Variants in EYS observed in about 807,000 individuals in gnomAD.
EYS encodes the protein protein eyes shut homolog.
A neutral mutation model predicts 282.1 loss-of-function variants in EYS; 250 were observed. The observed-to-expected ratio is 0.89, with a 90% CI of 0.80 to 0.98. The LOEUF is 0.98. Ranked by LOEUF, EYS falls within the 50% of genes least tolerant of loss-of-function variation. The pLI is 0.00. For missense variants in EYS, 4,016 were observed against 3,709.0 expected, an observed-to-expected ratio of 1.08 and a Z score of -2.15; for synonymous variants, 1,355 against 1,282.9, an observed-to-expected ratio of 1.06 and a Z score of -1.20.
chr6:65,624,603 A>G (rs1283231850), intron 2 of EYS, among the ~76,000 whole-genome samples: 3 of 152,134 alleles, frequency 2.0e-5, no homozygotes, highest in Non-Finnish European at 4.4e-5. Flanking sequence ...AGGCAGACCC[A>G]CCCTCAATCT....
At chr6:65,216,436 A>G (rs1766316631) in intron 12 of EYS, among the ~76,000 whole-genome samples, 1 of 151,998 alleles carries the variant, frequency 6.6e-6, no homozygotes, top group Non-Finnish European at 1.5e-5. Context: ...AAATTGTATT[A>G]CTACTTTATA....
intron 35 of EYS, among the ~76,000 whole-genome samples, chr6:63,951,742 G>T (rs183198177): frequency 2.7e-4 from 40 of 150,288 alleles, no homozygotes; most frequent in African/African-American, 9.7e-4. Context: ...GAGGTGGCTG[G>T]AGCTAAAGGT....
At chr6:64,333,472 G>A (rs1356911042) in intron 29 of EYS, among the ~76,000 whole-genome samples, 2 of 152,170 alleles carry the variant, frequency 1.3e-5, no homozygotes, top group East Asian at 3.9e-4. Flanking sequence ...GTTAAAATCA[G>A]TGGACCATGA....
chr6:65,469,184 T>C (rs73741592), intron 5 of EYS, among the ~76,000 whole-genome samples: 2,565 of 152,186 alleles, frequency 0.017, 85 homozygotes, highest in African/African-American at 0.057. Context: ...GACTTTTTTC[T>C]GTTTTTATTT....
chr6:63,727,342 T>C (rs1416926988), intron 41 of EYS, among the ~76,000 whole-genome samples: 2 of 152,122 alleles, frequency 1.3e-5, no homozygotes, highest in African/African-American at 2.4e-5. Flanking sequence ...TCTAGTTATT[T>C]AGTTTTCTCC....
chr6:64,883,802 G>A (rs1394733582), intron 19 of EYS, among the ~76,000 whole-genome samples: 1 of 151,034 alleles, frequency 6.6e-6, no homozygotes, highest in Non-Finnish European at 1.5e-5. Context: ...TGTACTTCCT[G>A]TTCATTAAAT....
At chr6:65,603,275 A>G (rs1283925942) in intron 2 of EYS, among the ~76,000 whole-genome samples, 2 of 151,934 alleles carry the variant, frequency 1.3e-5, no homozygotes, top group Non-Finnish European at 2.9e-5. Context: ...GGGTAAGTGG[A>G]TCACCAATGA....
At chr6:64,383,433 G>A (rs914195831) in intron 29 of EYS, among the ~76,000 whole-genome samples, 1 of 152,196 alleles carries the variant, frequency 6.6e-6, no homozygotes, top group African/African-American at 2.4e-5. Context: ...ATAATGTCTT[G>A]ACTTGTGATT....
intron 12 of EYS, among the ~76,000 whole-genome samples, chr6:65,173,961 G>A (rs144981957): frequency 9.3e-5 from 14 of 151,106 alleles, no homozygotes; most frequent in East Asian, 3.9e-4. Context: ...TAATCACAAC[G>A]TATATATAGC....
intron 8 of EYS, among the ~76,000 whole-genome samples, chr6:65,364,788 G>A (rs1433112408): frequency 6.6e-6 from 1 of 151,546 alleles, no homozygotes; most frequent in Admixed American, 6.7e-5. Context: ...ACAAGTACTT[G>A]GCCAATTAGA....
chr6:64,959,273 T>A (rs566278512), intron 14 of EYS, among the ~76,000 whole-genome samples: 1 of 152,208 alleles, frequency 6.6e-6, no homozygotes, highest in African/African-American at 2.4e-5. Flanking sequence ...TAAAACTCAT[T>A]AATTTATGAA....
chr6:64,500,951 A>G lies in EYS; in HGVS notation c.5645-61599T>C, dbSNP rs141889155. On this transcript the variant is annotated intron_variant, in intron 26 of 42. Transcript: ENST00000503581. ...CAATTTACTTATTACGTTTGCTAAA[A>G]TAACAGATTGGCATTGGCACAATTT... is the stretch of plus-strand genomic sequence containing the variant. Among the ~76,000 whole-genome samples the G allele has an allele frequency of 2.6e-4, 39 of 152,126 alleles. 1 individual carries two copies. In the East Asian group the frequency reaches 7.5e-3, roughly 29 times the overall value.
At chr6:64,703,429 A>ATATATATATTTTT (rs869208549) in intron 22 of EYS, among the ~76,000 whole-genome samples, 1 of 23,366 alleles carries the variant, frequency 4.3e-5, no homozygotes, top group Non-Finnish European at 1.1e-4. Context: ...ATATATATAT[A>ATATATATATTTTT]TTTTTTTTTT....
intron 12 of EYS, among the ~76,000 whole-genome samples, chr6:65,294,477 A>G (rs998751247): frequency 6.6e-6 from 1 of 151,910 alleles, no homozygotes; most frequent in African/African-American, 2.4e-5. Flanking sequence ...AGGCCATACC[A>G]ATTTTATATT....
chr6:64,889,265 T>C (rs1433004943), intron 18 of EYS, among the ~76,000 whole-genome samples: 1 of 152,076 alleles, frequency 6.6e-6, no homozygotes, highest in Non-Finnish European at 1.5e-5. Flanking sequence ...ATCTTAAATA[T>C]ACTTACTTAC....
intron 13 of EYS, among the ~76,000 whole-genome samples, chr6:65,052,476 T>C (rs1425825515): frequency 6.6e-6 from 1 of 151,598 alleles, no homozygotes; most frequent in Admixed American, 6.6e-5. Flanking sequence ...AAGCCATCAT[T>C]GGCCATGACA....
At chr6:64,798,342 A>C (rs925840980) in intron 22 of EYS, among the ~76,000 whole-genome samples, 2 of 151,920 alleles carry the variant, frequency 1.3e-5, no homozygotes, top group African/African-American at 4.8e-5. Flanking sequence ...CAGATATAAG[A>C]AGCTTAGGAG....
chr6:65,657,608 G>A (rs1336985347), intron 1 of EYS, among the ~76,000 whole-genome samples: 1 of 151,958 alleles, frequency 6.6e-6, no homozygotes, highest in Non-Finnish European at 1.5e-5. Flanking sequence ...GATGAGAATT[G>A]CTTTTTATGG....
chr6:65,675,000 GT>G lies in EYS; in HGVS notation c.-448+32134del, dbSNP rs547692905. Among the ~76,000 whole-genome samples, 1,235 of 152,042 alleles carry G rather than the reference GT, an allele frequency of 8.1e-3. 16 individuals are homozygous for G. The highest frequency in any genetic ancestry group is 0.028 in the African/African-American group (1,163 of 41,526). On this transcript the variant is annotated intron_variant, in intron 1 of 42. Coordinates refer to ENST00000503581, the MANE Select transcript of EYS (RefSeq NM_001142800.2). ...GTGGAGGAGGAAGTAAATATGTAAA[GT>G]TTTTTGTATGCAATTGAAATTATGT...
Sources: allele counts gnomAD v4.1 joint callset (sites outside exome capture counted in the v4.1 genomes callset), GRCh38; gene constraint gnomAD v4.1.1; transcripts MANE v1.5; gene names NCBI Gene and HGNC (gene_info 2026-07-23, HGNC 2026-07-21).